Variants in SEMA6D observed in about 807,000 individuals in gnomAD.
SEMA6D encodes the protein semaphorin-6D.
Under a neutral mutation model 106.6 loss-of-function variants are expected in SEMA6D, and 35 were observed. That is an observed-to-expected ratio of 0.33 (90% CI 0.25 to 0.44). The LOEUF is 0.44. Among genes scored for constraint, SEMA6D ranks in the 20% least tolerant of loss-of-function variants. SEMA6D has a pLI of 1.00. For missense variants in SEMA6D, 1,185 were observed against 1,345.9 expected (o/e 0.88, Z 1.87); for synonymous variants, 499 against 487.7 (o/e 1.02, Z -0.31).
chr15:47,700,544 AAATAAAT>A (rs1288603099), intron 4 of SEMA6D, among the ~76,000 whole-genome samples: 1 of 152,176 alleles, frequency 6.6e-6, no homozygotes, highest in Non-Finnish European at 1.5e-5. Context: ...TCTAGTGAAT[AAATAAAT>A]AATAAGTAAA....
At chr15:47,620,612 A>G (rs1018340456) in intron 4 of SEMA6D, among the ~76,000 whole-genome samples, 5 of 151,990 alleles carry the variant, frequency 3.3e-5, no homozygotes, top group African/African-American at 1.2e-4. Context: ...TCATCCTGTC[A>G]GTGTGTCATG....
At chr15:47,591,680 C>T (rs1205249936) in intron 3 of SEMA6D, among the ~76,000 whole-genome samples, 1 of 152,156 alleles carries the variant, frequency 6.6e-6, no homozygotes, top group Admixed American at 6.5e-5. Flanking sequence ...GTAGGAAAAA[C>T]ACCTGTTTCA....
At chr15:47,409,351 T>C (rs1328499071) in intron 1 of SEMA6D, among the ~76,000 whole-genome samples, 1 of 152,172 alleles carries the variant, frequency 6.6e-6, no homozygotes, top group Non-Finnish European at 1.5e-5. Flanking sequence ...TGAGAAAGTA[T>C]GAGCTGGAAA....
intron 2 of SEMA6D, among the ~76,000 whole-genome samples, chr15:47,443,122 A>T (rs1328600093): frequency 1.3e-5 from 2 of 152,148 alleles, no homozygotes; most frequent in Non-Finnish European, 2.9e-5. Flanking sequence ...ATCACATGGA[A>T]TGTAATGATA....
chr15:47,584,481 G>A (rs565377562), intron 3 of SEMA6D, among the ~76,000 whole-genome samples: 19 of 152,054 alleles, frequency 1.2e-4, no homozygotes, highest in African/African-American at 3.9e-4. Context: ...GGAAATTTGC[G>A]GAGGTCAGAG....
At chr15:47,381,469 A>G (rs1595872255) in intron 1 of SEMA6D, among the ~76,000 whole-genome samples, 1 of 152,110 alleles carries the variant, frequency 6.6e-6, no homozygotes, top group Non-Finnish European at 1.5e-5. Flanking sequence ...AACCAACCTC[A>G]TTCATGCTGC....
chr15:47,539,585 C>T (rs1277276915), intron 3 of SEMA6D, among the ~76,000 whole-genome samples: 4 of 151,992 alleles, frequency 2.6e-5, no homozygotes, highest in African/African-American at 7.2e-5. Context: ...CCACCACACC[C>T]GGCTAATTTT....
chr15:47,771,520 G>T lies in SEMA6D; in HGVS notation c.2957G>T (p.Gly986Val), dbSNP rs140728406. ...AMPKNLNSPN[G>V]VLLSRQPSMN... Reference sequence around the variant, plus strand: ...CCTAAAAACTTAAACTCACCAAATGGTGTTTTGTTATCCAGACAGCCTAGT... The same window carrying T: ...CCTAAAAACTTAAACTCACCAAATGTTGTTTTGTTATCCAGACAGCCTAGT... Residue 986 changes from glycine to valine, a missense_variant, in exon 19 of 19, where the codon GGT becomes GTT. Gly to Val is a moderately radical substitution (Grantham distance 109). Coordinates refer to ENST00000536845, the MANE Select transcript of SEMA6D (RefSeq NM_001358351.3). 2 of 1,614,026 alleles carry T rather than the reference G, an allele frequency of 1.2e-6. No homozygotes were observed. Among genetic ancestry groups the T allele is most frequent in the African/African-American group, 2.7e-5 (2 of 75,006 alleles).
intron 2 of SEMA6D, among the ~76,000 whole-genome samples, chr15:47,469,451 A>G (rs1277432134): frequency 6.6e-6 from 1 of 152,034 alleles, no homozygotes; most frequent in East Asian, 1.9e-4. Context: ...GGACACTTCA[A>G]CCTGTTCAGT....
intron 4 of SEMA6D, among the ~76,000 whole-genome samples, chr15:47,705,654 C>T (rs1272612328): frequency 6.6e-6 from 1 of 152,150 alleles, no homozygotes; most frequent in Non-Finnish European, 1.5e-5. Flanking sequence ...CACAACAGGC[C>T]TTTCCAACCA....
rs147984903 is a variant in SEMA6D, at chr15:47,228,968, C to A, written c.-239+44550C>A. On this transcript the variant is annotated intron_variant, in intron 1 of 19. Coordinates refer to the SEMA6D transcript ENST00000558014. ...GTGTTTAATGAGTGAATGATTTATTCAATTAATCACTGAATTTTAAATGGA... is the reference window on the plus strand; with the variant it reads ...GTGTTTAATGAGTGAATGATTTATTAAATTAATCACTGAATTTTAAATGGA... 1.0e-3 allele frequency among the ~76,000 whole-genome samples: 156 copies of A among 152,080 alleles called. 1 individual carries two copies. The highest frequency in any genetic ancestry group is 3.7e-3 in the African/African-American group (154 of 41,520).
At chr15:47,245,121 T>G (rs543106602) in intron 1 of SEMA6D, among the ~76,000 whole-genome samples, 7 of 152,242 alleles carry the variant, frequency 4.6e-5, no homozygotes, top group South Asian at 2.1e-4. Flanking sequence ...CCTAGGTTGA[T>G]TCCATGTTTT....
At chr15:47,567,570 G>A (rs987685692) in intron 3 of SEMA6D, among the ~76,000 whole-genome samples, 1 of 152,084 alleles carries the variant, frequency 6.6e-6, no homozygotes, top group Non-Finnish European at 1.5e-5. Flanking sequence ...GTTTCCATCA[G>A]AATGTGACCT....
At position 47,357,178 on chromosome 15, in the gene SEMA6D, CA is replaced by C; in HGVS notation, c.-238-55209del. ...TGAAACCCTGTCTCTACTAAAAATACAAAAAATTAGCCGGGCGAGGTGGCGG... is the reference window on the plus strand; with the variant it reads ...TGAAACCCTGTCTCTACTAAAAATACAAAAATTAGCCGGGCGAGGTGGCGG... On this transcript the variant is annotated intron_variant, in intron 1 of 19. Transcript: ENST00000558014. Among the ~76,000 whole-genome samples the C allele has an allele frequency of 1.3e-5, 2 of 151,620 alleles. 1 individual carries two copies. Among genetic ancestry groups the C allele is most frequent in the East Asian group, 3.9e-4 (2 of 5,144 alleles).
intron 1 of SEMA6D, among the ~76,000 whole-genome samples, chr15:47,217,436 T>C (rs1947842241): frequency 6.6e-6 from 1 of 152,092 alleles, no homozygotes; most frequent in Admixed American, 6.6e-5. Context: ...AACAGGAAAC[T>C]GTAGGGAAAT....
rs567403194 is a variant in SEMA6D, at chr15:47,452,685, G to A, written c.-158-17789G>A. ...TGGAATATTTTTATTACATGATTAT[G>A]TGATTGAGTATGAAAAACCATTTTA... On this transcript the variant is annotated intron_variant, in intron 2 of 19. Coordinates refer to the SEMA6D transcript ENST00000558014. 4.1e-3 allele frequency among the ~76,000 whole-genome samples: 621 copies of A among 151,910 alleles called. 1 individual carries two copies. Among genetic ancestry groups the A allele is most frequent in the Admixed American group, 7.8e-3 (118 of 15,216 alleles).
At chr15:47,552,828 T>TTCACAGTGACAACCTG (rs2045762132) in intron 3 of SEMA6D, among the ~76,000 whole-genome samples, 1 of 50,334 alleles carries the variant, frequency 2.0e-5, no homozygotes. Context: ...ATATATATAT[T>TTCACAGTGACAACCTG]TTTATATATA....
chr15:47,339,718 G>A (rs1192110341), intron 1 of SEMA6D, among the ~76,000 whole-genome samples: 1 of 152,062 alleles, frequency 6.6e-6, no homozygotes, highest in African/African-American at 2.4e-5. Context: ...AATTAGCCGG[G>A]TGTGGTGTCA....
chr15:47,214,096 C>T (rs1043902621), intron 1 of SEMA6D, among the ~76,000 whole-genome samples: 1 of 152,076 alleles, frequency 6.6e-6, no homozygotes, highest in African/African-American at 2.4e-5. Flanking sequence ...GTTAAAAGCA[C>T]CATGAGCAAT....
Sources: gnomAD v4.1 joint callset for allele counts (sites outside exome capture counted in the v4.1 genomes callset) on GRCh38, gnomAD v4.1.1 for gene constraint, MANE v1.5 for transcripts, NCBI Gene and HGNC (gene_info 2026-07-23, HGNC 2026-07-21) for gene names.